Variants in SEPTIN10 observed in about 807,000 individuals in gnomAD.
SEPTIN10 encodes the protein septin-10.
Under a neutral mutation model 54.8 loss-of-function variants are expected in SEPTIN10, and 66 were observed. That is an observed-to-expected ratio of 1.21 (90% CI 0.99 to 1.48). SEPTIN10 has a LOEUF of 1.48. Among genes scored for constraint, SEPTIN10 ranks in the 40% most tolerant of loss-of-function variants. SEPTIN10 has a pLI of 0.00. For synonymous variants in SEPTIN10, 161 were observed against 181.0 expected (o/e 0.89, Z 0.89); for missense variants, 620 against 545.6 (o/e 1.14, Z -1.36).
intron 9 of SEPTIN10, among the ~76,000 whole-genome samples, chr2:109,552,231 G>A (rs369459682): frequency 1.3e-5 from 2 of 152,142 alleles, no homozygotes; most frequent in East Asian, 1.9e-4. Flanking sequence ...TCCAGGAAAC[G>A]GGTCCCTGGT....
intron 4 of SEPTIN10, among the ~76,000 whole-genome samples, chr2:109,581,602 A>G (rs1409349924): frequency 6.6e-6 from 1 of 152,110 alleles, no homozygotes; most frequent in Non-Finnish European, 1.5e-5. Flanking sequence ...GGGAATGGCT[A>G]AAGTGCATTC....
In SEPTIN10 at chr2:109,567,889, C is replaced by G. The variant is rs758005172; in HGVS notation, c.688G>C (p.Val230Leu). 8 of 1,614,004 alleles carry G rather than the reference C, an allele frequency of 5.0e-6. No individual in the cohort carries two copies. The highest frequency in any genetic ancestry group is 6.8e-6 in the Non-Finnish European group (8 of 1,179,944). Residue 230 changes from valine to leucine, a missense_variant, in exon 6 of 11, where the codon GTC becomes CTC. Physicochemically the swap from Val to Leu is conservative, Grantham distance 32. Transcript: ENST00000397712. The part of the protein sequence containing the change: ...KFKIKLMSEL[V>L]SNGVQIYQFP... ...TGGTATATCTGGACGCCATTGCTGA[C>G]CAATTCACTCATGAGCTTGATCTTA...
intron 3 of SEPTIN10, among the ~76,000 whole-genome samples, 177 bp downstream of exon 3, chr2:109,585,544 C>G (rs576675760): frequency 1.3e-5 from 2 of 152,242 alleles, no homozygotes; most frequent in African/African-American, 4.8e-5. Flanking sequence ...GTTTATATAA[C>G]AAGCCAAAAG....
At chr2:109,605,211 A>G (rs1453729747) in intron 1 of SEPTIN10, among the ~76,000 whole-genome samples, 2 of 152,206 alleles carry the variant, frequency 1.3e-5, no homozygotes, top group African/African-American at 4.8e-5. Flanking sequence ...TTTGGGCTGA[A>G]TATAATTATA....
At chr2:109,565,726 T>G in intron 7 of SEPTIN10, 37 bp downstream of exon 7, 2 of 1,491,048 alleles carry the variant, frequency 1.3e-6, no homozygotes, top group Non-Finnish European at 1.9e-6. Flanking sequence ...GATTACTAGA[T>G]AGATACATAT....
intron 4 of SEPTIN10, among the ~76,000 whole-genome samples, chr2:109,584,412 T>C (rs1452348106): frequency 6.9e-6 from 1 of 143,914 alleles, no homozygotes; most frequent in Admixed American, 7.3e-5. Flanking sequence ...GAGGTGGAGG[T>C]TGCAGTGAGT....
At chr2:109,582,346 A>C (rs982019336) in intron 4 of SEPTIN10, among the ~76,000 whole-genome samples, 2 of 152,116 alleles carry the variant, frequency 1.3e-5, no homozygotes, top group African/African-American at 4.8e-5. Context: ...TTGAGAAGGT[A>C]TCACTCTGTC....
At chr2:109,557,720 C>T (rs1217757870) in intron 8 of SEPTIN10, among the ~76,000 whole-genome samples, 2 of 152,074 alleles carry the variant, frequency 1.3e-5, no homozygotes, top group African/African-American at 4.8e-5. Flanking sequence ...AGAGAATGGT[C>T]TATAAAGTTA....
In SEPTIN10 at chr2:109,542,888, T is replaced by C. The variant is rs538199388; in HGVS notation, c.*1421A>G. 1.3e-5 allele frequency: 2 copies of C among 152,634 alleles called. No individual in the cohort carries two copies. The highest frequency in any genetic ancestry group is 4.8e-5 in the African/African-American group (2 of 41,586). The allele number at this position is 152,634 out of a possible 1,614,324, so 9.5% of individuals were successfully genotyped here. ...ACTAATAAGTTTCATTGTCTGAAAA[T>C]ACTCATAAAATACCTCATCTCCAAA... On this transcript the variant is annotated 3_prime_UTR_variant, in exon 11 of 11. Coordinates refer to ENST00000397712, the MANE Select transcript of SEPTIN10 (RefSeq NM_144710.5).
intron 9 of SEPTIN10, among the ~76,000 whole-genome samples, chr2:109,549,283 T>C (rs774873802): frequency 5.3e-5 from 8 of 152,218 alleles, no homozygotes; most frequent in Non-Finnish European, 8.8e-5. Flanking sequence ...GATAGCTCTC[T>C]GGTTACTCAA....
chr2:109,562,651 G>C (rs1024798735), intron 8 of SEPTIN10, among the ~76,000 whole-genome samples: 1 of 152,052 alleles, frequency 6.6e-6, no homozygotes, highest in African/African-American at 2.4e-5. Context: ...TCCTCAGAGA[G>C]GACTTCAAAG....
chr2:109,608,849 T>TA (rs748598912), intron 1 of SEPTIN10, among the ~76,000 whole-genome samples: 7 of 152,218 alleles, frequency 4.6e-5, no homozygotes, highest in Non-Finnish European at 1.0e-4. Flanking sequence ...GTGTAAGAAT[T>TA]AAAGTTCTCA....
intron 1 of SEPTIN10, among the ~76,000 whole-genome samples, chr2:109,610,473 G>A (rs1179917172): frequency 2.0e-5 from 3 of 152,056 alleles, no homozygotes; most frequent in Non-Finnish European, 4.4e-5. Context: ...CCAACACTTC[G>A]GGAGACTGAG....
chr2:109,586,368 G>A (rs945349185), intron 2 of SEPTIN10, among the ~76,000 whole-genome samples: 3 of 152,164 alleles, frequency 2.0e-5, no homozygotes, highest in African/African-American at 4.8e-5. Flanking sequence ...TAAGACTTGA[G>A]GGAAGGAAAC....
rs1326062424 is a variant in SEPTIN10 at position 109,593,107 on chromosome 2, G to A, written c.43C>T (p.His15Tyr). ...EVARHLLFQS[H>Y]MATKTTCMSS... is the part of the protein sequence containing the mutation. ...ATACAAGTTGTTTTCGTTGCCATGTGAGACTGAAAGAGCTAAAAAAGGAAT... is the reference window on the plus strand; with the variant it reads ...ATACAAGTTGTTTTCGTTGCCATGTAAGACTGAAAGAGCTAAAAAAGGAAT... The change falls in exon 2 of 11, where the codon CAC becomes TAC. Residue 15 changes from histidine (H) to tyrosine (Y), a missense_variant. By Grantham distance (83) the His-to-Tyr change is moderately conservative. Coordinates refer to ENST00000397712, the MANE Select transcript of SEPTIN10 (RefSeq NM_144710.5). 3.8e-6 allele frequency: 6 copies of A among 1,596,730 alleles called. No homozygotes were observed. Among genetic ancestry groups the A allele is most frequent in the Non-Finnish European group, 4.3e-6 (5 of 1,172,378 alleles).
intron 1 of SEPTIN10, among the ~76,000 whole-genome samples, chr2:109,610,934 A>G (rs1699127339): frequency 1.3e-5 from 2 of 152,224 alleles, no homozygotes; most frequent in African/African-American, 4.8e-5. Flanking sequence ...AGAAGAATAA[A>G]GTGGGAGAAA....
chr2:109,606,933 T>G (rs1031125307), intron 1 of SEPTIN10, among the ~76,000 whole-genome samples: 6 of 152,084 alleles, frequency 3.9e-5, no homozygotes, highest in African/African-American at 1.4e-4. Flanking sequence ...ATTACAGGCA[T>G]GAGCCACCAC....
chr2:109,585,942 T>A lies in SEPTIN10; in HGVS notation c.100-104A>T, dbSNP rs545994795. 2.4e-3 allele frequency: 1,919 copies of A among 783,528 alleles called. 33 individuals carry two copies. Among genetic ancestry groups the A allele is most frequent in the South Asian group, 0.019 (1,121 of 57,696 alleles). 48.5% of individuals were successfully genotyped at this position (783,528 alleles called of 1,614,324 possible). On this transcript the variant is annotated intron_variant, in intron 2 of 10. Coordinates refer to ENST00000397712, the MANE Select transcript of SEPTIN10 (RefSeq NM_144710.5). ...GACAAATATATCAAATAAATGAAAATTTTTATAATCATTATACCTCACCTA... is the reference window on the plus strand; with the variant it reads ...GACAAATATATCAAATAAATGAAAAATTTTATAATCATTATACCTCACCTA...
chr2:109,603,047 G>A (rs1471298303), intron 1 of SEPTIN10, among the ~76,000 whole-genome samples: 1 of 151,460 alleles, frequency 6.6e-6, no homozygotes, highest in African/African-American at 2.4e-5. Context: ...CTCCAGCCTG[G>A]GCAACAGAGC....
Sources: allele counts gnomAD v4.1 joint callset (sites outside exome capture counted in the v4.1 genomes callset), GRCh38; gene constraint gnomAD v4.1.1; transcripts MANE v1.5; gene names NCBI Gene and HGNC (gene_info 2026-07-23, HGNC 2026-07-21).